CACNA1C: variants seen among roughly 807,000 people sequenced by gnomAD.
CACNA1C encodes the protein calcium voltage-gated channel subunit alpha1 C.
A neutral mutation model predicts 229.0 loss-of-function variants in CACNA1C; 30 were observed. The observed-to-expected ratio is 0.13, with a 90% CI of 0.10 to 0.18. The LOEUF is 0.18. CACNA1C is among the 10% of genes least tolerant of loss of function. CACNA1C has a pLI of 1.00. For synonymous variants in CACNA1C, 1,114 were observed against 1,132.5 expected, an observed-to-expected ratio of 0.98 and a Z score of 0.33; for missense variants, 1,658 against 2,845.0, an observed-to-expected ratio of 0.58 and a Z score of 9.49.
In CACNA1C at chr12:2,438,357, T is replaced by TGGTG. The variant is rs1206215500; in HGVS notation, c.478-10619_478-10618insGGTG. Among the ~76,000 whole-genome samples the TGGTG allele has an allele frequency of 6.6e-3, 639 of 96,340 alleles. 5 individuals carry two copies. Among genetic ancestry groups the TGGTG allele is most frequent in the Non-Finnish European group, 0.012 (516 of 44,788 alleles). 63.2% of individuals were successfully genotyped at this position (96,340 alleles called of 152,430 possible). A position where few individuals can be genotyped will look rare whatever the true frequency, so the allele number is the denominator to read the frequency against. On this transcript the variant is annotated intron_variant, in intron 3 of 46. Transcript: ENST00000399655. Reference sequence around the variant, plus strand: ...GTGATGATAATGATGATGGTGGTGGTAATGATGGTGGTGGTGGTGATGGTG... The same window carrying TGGTG: ...GTGATGATAATGATGATGGTGGTGGTGGTGAATGATGGTGGTGGTGGTGATGGTG...
At chr12:2,459,169 G>GTTTTTTTTTTTTT (rs59909090) in intron 5 of CACNA1C, among the ~76,000 whole-genome samples, 3 of 109,436 alleles carry the variant, frequency 2.7e-5, no homozygotes, top group African/African-American at 6.8e-5. Context: ...TTTTGTGTGT[G>GTTTTTTTTTTTTT]TTTTTTTTTT....
intron 3 of CACNA1C, among the ~76,000 whole-genome samples, chr12:2,189,807 AAG>A (rs1491271946): frequency 0.024 from 2,834 of 120,318 alleles, 90 homozygotes; most frequent in African/African-American, 0.096. Context: ...TTAAAGAAGA[AAG>A]AAAAAAACTC....
At chr12:2,096,718 C>T (rs1235884982) in intron 1 of CACNA1C, among the ~76,000 whole-genome samples, 1 of 152,198 alleles carries the variant, frequency 6.6e-6, no homozygotes, top group Admixed American at 6.5e-5. Flanking sequence ...CAAACCAAAA[C>T]TTTATAACCA....
intron 5 of CACNA1C, among the ~76,000 whole-genome samples, chr12:2,472,598 CTCTATATAT>C (rs2099599060): frequency 6.7e-6 from 1 of 149,278 alleles, no homozygotes; most frequent in African/African-American, 2.5e-5. Context: ...GTAGCACTCT[CTCTATATAT>C]ATATATCTCT....
In CACNA1C at chr12:2,677,757, A is replaced by C. The variant is rs752913195; in HGVS notation, c.4981A>C (p.Ile1661Leu). Residue 1661 changes from isoleucine (I) to leucine (L), a missense_variant, in exon 41 of 47, where the codon ATC (isoleucine) becomes CTC (leucine). Ile to Leu is a conservative substitution (Grantham distance 5, BLOSUM62 2). This residue lies in a region of CACNA1C where 590 missense variants were observed against 700.8 expected (regional missense o/e 0.84). Transcript: ENST00000399655. The surrounding 1 kb of genome is among the most constrained non-coding windows in gnomAD (Gnocchi z 7.4). ...GGCTGGCTTGCGCACACTGCATGACATCGGGCCTGAGATCCGACGGGCCAT... is the reference window on the plus strand; with the variant it reads ...GGCTGGCTTGCGCACACTGCATGACCTCGGGCCTGAGATCCGACGGGCCAT... ...LQAGLRTLHD[I>L]GPEIRRAISG... 6.2e-7 allele frequency: 1 copy of C among 1,613,760 alleles called. No homozygotes were observed. The highest frequency in any genetic ancestry group is 8.5e-7 in the Non-Finnish European group (1 of 1,179,822).
chr12:2,304,637 C>T (rs1860002), intron 3 of CACNA1C, among the ~76,000 whole-genome samples: 65,089 of 151,870 alleles, frequency 0.43, 16,482 homozygotes, highest in East Asian at 0.62. Context: ...GCACAGAGAG[C>T]GGGTTGCTCC....
chr12:2,055,051 G>A (rs1355720394), intron 1 of CACNA1C, among the ~76,000 whole-genome samples: 2 of 152,254 alleles, frequency 1.3e-5, no homozygotes, highest in Non-Finnish European at 2.9e-5. Context: ...CAGCATGGGT[G>A]GCAGCTTGGG....
At chr12:2,297,201 C>T (rs1290823430) in intron 3 of CACNA1C, among the ~76,000 whole-genome samples, 3 of 152,226 alleles carry the variant, frequency 2.0e-5, no homozygotes, top group Non-Finnish European at 4.4e-5. Context: ...GTGTCATCAA[C>T]TCTCTAGGGA....
chr12:1,980,355 G>A (rs2035755231), intron 1 of CACNA1C, among the ~76,000 whole-genome samples: 1 of 152,156 alleles, frequency 6.6e-6, no homozygotes, highest in East Asian at 1.9e-4. Flanking sequence ...CTTTTCATGT[G>A]ACTATTGGTA....
intron 1 of CACNA1C, among the ~76,000 whole-genome samples, chr12:1,977,447 A>G (rs2034768508): frequency 6.6e-6 from 1 of 152,248 alleles, no homozygotes; most frequent in Non-Finnish European, 1.5e-5. Flanking sequence ...TGTCTTATGC[A>G]TTCTGATGTT....
intron 30 of CACNA1C, among the ~76,000 whole-genome samples, chr12:2,637,054 G>A (rs1603144135): frequency 1.3e-5 from 2 of 152,180 alleles, no homozygotes; most frequent in East Asian, 1.9e-4. Context: ...CGAACCAAAA[G>A]AACAAACATA....
At chr12:2,656,584 A>G (rs879453925) in intron 34 of CACNA1C, among the ~76,000 whole-genome samples, 1 of 152,248 alleles carries the variant, frequency 6.6e-6, no homozygotes, top group Non-Finnish European at 1.5e-5. Flanking sequence ...AAACAATCCT[A>G]AAATTCATAT....
chr12:2,337,249 A>C (rs2096725881), intron 3 of CACNA1C, among the ~76,000 whole-genome samples: 1 of 152,190 alleles, frequency 6.6e-6, no homozygotes, highest in South Asian at 2.1e-4. Context: ...CCCCTGTAGA[A>C]CTGAGTGAGC....
intron 3 of CACNA1C, among the ~76,000 whole-genome samples, chr12:2,201,120 C>T (rs972483478): frequency 5.9e-5 from 9 of 152,104 alleles, no homozygotes; most frequent in Non-Finnish European, 1.3e-4. Flanking sequence ...CATGTTGATT[C>T]CTCCTCCCCT....
chr12:2,569,333 T>G (rs2154593552), intron 13 of CACNA1C, among the ~76,000 whole-genome samples: 1 of 151,710 alleles, frequency 6.6e-6, no homozygotes, highest in South Asian at 2.1e-4. Flanking sequence ...ATATCCCATA[T>G]ATTTACCCCT....
intron 3 of CACNA1C, among the ~76,000 whole-genome samples, chr12:2,197,472 T>A (rs2154310142): frequency 6.6e-6 from 1 of 152,346 alleles, no homozygotes; most frequent in Non-Finnish European, 1.5e-5. Flanking sequence ...AAATTAAGAC[T>A]CAGTGATATA....
chr12:2,369,840 A>G (rs2097812155), intron 3 of CACNA1C, among the ~76,000 whole-genome samples: 1 of 152,250 alleles, frequency 6.6e-6, no homozygotes, highest in African/African-American at 2.4e-5. Flanking sequence ...CTTTATAAAC[A>G]TGAAAGTAAT....
chr12:2,459,770 A>G lies in CACNA1C; in HGVS notation c.757+2064A>G, dbSNP rs561147359. ...CTTGTAATGGTACCGCCAGTGTGTC[A>G]GTGATAGCAACTGGGAGTTAATTCC... is the stretch of plus-strand genomic sequence containing the variant. On this transcript the variant is annotated intron_variant, in intron 5 of 46. Coordinates refer to ENST00000399655, the MANE Select transcript of CACNA1C (RefSeq NM_000719.7). 2.9e-4 allele frequency among the ~76,000 whole-genome samples: 44 copies of G among 152,330 alleles called. 2 individuals are homozygous for G. The South Asian group carries it at 7.7e-3, about 27-fold the overall frequency.
chr12:2,183,579 C>CT (rs1252665570), intron 3 of CACNA1C, among the ~76,000 whole-genome samples: 4 of 152,174 alleles, frequency 2.6e-5, no homozygotes, highest in Non-Finnish European at 5.9e-5. Flanking sequence ...GGGACAGACC[C>CT]CCCCCCGGCT....
Sources: gnomAD v4.1 joint callset for allele counts (sites outside exome capture counted in the v4.1 genomes callset) on GRCh38, gnomAD v4.1.1 for gene constraint, gnomAD v4.1.1 regional missense constraint, Gnocchi (gnomAD v3.1) non-coding constraint, MANE v1.5 for transcripts, NCBI Gene and HGNC (gene_info 2026-07-23, HGNC 2026-07-21) for gene names.